Variants in SCMH1 observed in about 807,000 individuals in gnomAD.
SCMH1 encodes polycomb protein SCMH1.
SCMH1 carries 37 observed loss-of-function variants against 70.8 expected under a neutral mutation model. The ratio of observed to expected loss-of-function variants is 0.52; its 90% confidence interval spans 0.40 to 0.69. The LOEUF (loss-of-function observed/expected upper bound fraction) is 0.69, where lower values mean the gene tolerates loss of function less well. SCMH1 is among the 30% of genes least tolerant of loss of function. The pLI, the probability that SCMH1 is intolerant of heterozygous loss-of-function variation, is 0.00. For synonymous variants in SCMH1, 292 were observed against 307.4 expected, an observed-to-expected ratio of 0.95 and a Z score of 0.52; for missense variants, 607 against 827.3, an observed-to-expected ratio of 0.73 and a Z score of 3.27.
At chr1:41,092,983 G>C (rs563452254) in intron 8 of SCMH1, among the ~76,000 whole-genome samples, 1 of 152,270 alleles carries the variant, frequency 6.6e-6, no homozygotes, top group African/African-American at 2.4e-5. Flanking sequence ...CAAGGATCTA[G>C]AACTAGAAAT....
intron 1 of SCMH1, among the ~76,000 whole-genome samples, chr1:41,198,467 A>C (rs1653553201): frequency 2.0e-5 from 3 of 152,240 alleles, no homozygotes; most frequent in Admixed American, 2.0e-4. Flanking sequence ...ATTGTCTAGC[A>C]GTGCTTAGCA....
chr1:41,054,242 G>T (rs1649394768), intron 10 of SCMH1, among the ~76,000 whole-genome samples: 2 of 152,132 alleles, frequency 1.3e-5, no homozygotes, highest in Admixed American at 1.3e-4. Flanking sequence ...AGTTTGACAG[G>T]ACTGTTGCCT....
intron 1 of SCMH1, among the ~76,000 whole-genome samples, chr1:41,202,815 C>A (rs932066505): frequency 6.6e-6 from 1 of 152,060 alleles, no homozygotes; most frequent in Non-Finnish European, 1.5e-5. Flanking sequence ...AGTCTATATG[C>A]CTCTCCTACT....
At chr1:41,186,153 G>T in exon 2 of SCMH1, 1 of 1,404,258 alleles carries the variant, frequency 7.1e-7, no homozygotes, top group Non-Finnish European at 9.9e-7. Flanking sequence ...ACTAAAAACC[G>T]GTCTAGGGGT....
At chr1:41,087,235 C>G (rs1438854547) in intron 8 of SCMH1, among the ~76,000 whole-genome samples, 1 of 151,706 alleles carries the variant, frequency 6.6e-6, no homozygotes, top group African/African-American at 2.4e-5. Flanking sequence ...CCAAATGGAT[C>G]AGAGATGTAA....
intron 10 of SCMH1, among the ~76,000 whole-genome samples, chr1:41,055,993 G>A (rs1452771308): frequency 6.6e-6 from 1 of 152,182 alleles, no homozygotes; most frequent in Non-Finnish European, 1.5e-5. Flanking sequence ...AGAGAATAGA[G>A]AGGTAGTTTT....
At chr1:41,091,812 A>G (rs1663603319) in intron 8 of SCMH1, among the ~76,000 whole-genome samples, 1 of 152,208 alleles carries the variant, frequency 6.6e-6, no homozygotes, top group Non-Finnish European at 1.5e-5. Flanking sequence ...TCCAACTTAC[A>G]AAGGATGTGA....
intron 8 of SCMH1, among the ~76,000 whole-genome samples, chr1:41,101,535 T>C (rs1666655555): frequency 6.6e-6 from 1 of 152,234 alleles, no homozygotes; most frequent in African/African-American, 2.4e-5. Context: ...GTAAAGCTCA[T>C]TCTGGTGGAT....
intron 11 of SCMH1, 140 bp downstream of exon 11, chr1:41,048,550 G>C: frequency 1.3e-6 from 1 of 741,270 alleles, no homozygotes; most frequent in Non-Finnish European, 2.3e-6. Context: ...TGGGGGGTTG[G>C]AGATGAGGAA....
At chr1:41,231,721 G>T (rs1290333878) in intron 1 of SCMH1, among the ~76,000 whole-genome samples, 1 of 152,098 alleles carries the variant, frequency 6.6e-6, no homozygotes, top group African/African-American at 2.4e-5. Flanking sequence ...ACAGTTTTGT[G>T]GAGTATTAGA....
chr1:41,053,830 G>A (rs1649168989), intron 10 of SCMH1, among the ~76,000 whole-genome samples: 6 of 151,844 alleles, frequency 4.0e-5, no homozygotes, highest in Admixed American at 3.3e-4. Flanking sequence ...GAAGCCTAAA[G>A]GTTTTTTTTT....
intron 6 of SCMH1, among the ~76,000 whole-genome samples, chr1:41,140,094 T>C (rs1643905449): frequency 6.6e-6 from 1 of 152,024 alleles, no homozygotes; most frequent in Non-Finnish European, 1.5e-5. Flanking sequence ...CTGGTGGTAG[T>C]GTTGGTATTG....
At chr1:41,129,833 G>A (rs1266171653) in intron 6 of SCMH1, among the ~76,000 whole-genome samples, 1 of 152,072 alleles carries the variant, frequency 6.6e-6, no homozygotes, top group Middle Eastern at 3.2e-3. Context: ...TGTTGCCCAG[G>A]CTGGCCTCGA....
chr1:41,140,481 C>T lies in SCMH1; in HGVS notation c.412+2397G>A, dbSNP rs534954893. 3.3e-5 allele frequency among the ~76,000 whole-genome samples: 5 copies of T among 152,074 alleles called. No homozygotes were observed. In the East Asian group the frequency reaches 9.7e-4, roughly 30 times the overall value. On this transcript the variant is annotated intron_variant, in intron 6 of 14. Transcript: ENST00000337495. ...CTAATTTTTGTATTTTCAGTAGAGA[C>T]GAGGTTTCACCATGTTGGCCAGAAT...
chr1:41,227,680 A>G (rs1660526849), intron 1 of SCMH1, among the ~76,000 whole-genome samples: 1 of 152,188 alleles, frequency 6.6e-6, no homozygotes, highest in Admixed American at 6.5e-5. Flanking sequence ...AGACAGTTAT[A>G]GGTAAAGAAA....
intron 11 of SCMH1, among the ~76,000 whole-genome samples, chr1:41,048,093 C>T (rs1431289320): frequency 6.6e-6 from 1 of 150,526 alleles, no homozygotes; most frequent in African/African-American, 2.4e-5. Flanking sequence ...GTCAAGTCTT[C>T]ATAGGTTTAG....
intron 8 of SCMH1, among the ~76,000 whole-genome samples, chr1:41,098,401 T>A (rs1249169005): frequency 1.3e-5 from 2 of 152,328 alleles, no homozygotes; most frequent in Non-Finnish European, 2.9e-5. Context: ...TTTTGAATGC[T>A]TAATATGTGC....
intron 6 of SCMH1, among the ~76,000 whole-genome samples, chr1:41,128,898 C>A (rs1446089940): frequency 6.6e-6 from 1 of 152,040 alleles, no homozygotes; most frequent in Admixed American, 6.6e-5. Context: ...GTCTGCTCAT[C>A]TTCCTCCTGA....
intron 1 of SCMH1, among the ~76,000 whole-genome samples, chr1:41,241,552 G>C (rs1465842092): frequency 6.6e-6 from 1 of 152,232 alleles, no homozygotes; most frequent in African/African-American, 2.4e-5. Flanking sequence ...CCCGAACCGG[G>C]ACCCGGCCAG....
Sources: gnomAD v4.1 joint callset for allele counts (sites outside exome capture counted in the v4.1 genomes callset) on GRCh38, gnomAD v4.1.1 for gene constraint, MANE v1.5 for transcripts, NCBI Gene and HGNC (gene_info 2026-07-23, HGNC 2026-07-21) for gene names.